GCLC: variants seen among roughly 807,000 people sequenced by gnomAD.
GCLC encodes glutamate--cysteine ligase catalytic subunit.
Under a neutral mutation model 81.5 loss-of-function variants are expected in GCLC, and 30 were observed. The ratio of observed to expected loss-of-function variants is 0.37; its 90% CI spans 0.28 to 0.50. The LOEUF (loss-of-function observed/expected upper bound fraction) is 0.50, where lower values mean the gene tolerates loss of function less well. Among genes scored for constraint, GCLC ranks in the 20% least tolerant of loss-of-function variants. The pLI is 0.96. For missense variants in GCLC, 556 were observed against 777.4 expected, an observed-to-expected ratio of 0.72 and a Z score of 3.39; for synonymous variants, 262 against 273.3, an observed-to-expected ratio of 0.96 and a Z score of 0.41.
At chr6:53,501,580 C>G (rs1764514955) in intron 12 of GCLC, among the ~76,000 whole-genome samples, 1 of 152,206 alleles carries the variant, frequency 6.6e-6, no homozygotes, top group South Asian at 2.1e-4. Flanking sequence ...GAGGGCCAGG[C>G]TGACATGGGA....
intron 1 of GCLC, among the ~76,000 whole-genome samples, chr6:53,525,694 T>C (rs533156987): frequency 1.3e-5 from 2 of 152,282 alleles, no homozygotes; most frequent in Admixed American, 6.5e-5. Context: ...TCCAAAAGCA[T>C]ACATACCCAA....
At chr6:53,540,506 G>A (rs1763334064) in intron 1 of GCLC, among the ~76,000 whole-genome samples, 1 of 152,098 alleles carries the variant, frequency 6.6e-6, no homozygotes, top group African/African-American at 2.4e-5. Flanking sequence ...GGAGCTAGGT[G>A]GAGGGGAAAA....
chr6:53,512,070 T>C (rs1288208036), intron 6 of GCLC, among the ~76,000 whole-genome samples: 1 of 150,596 alleles, frequency 6.6e-6, no homozygotes, highest in Non-Finnish European at 1.5e-5. Context: ...TGCCTCAGAC[T>C]CCTCAGTAGC....
intron 6 of GCLC, among the ~76,000 whole-genome samples, chr6:53,510,689 T>C (rs922068745): frequency 1.3e-5 from 2 of 152,190 alleles, no homozygotes; most frequent in Non-Finnish European, 2.9e-5. Context: ...TAAGTGAATA[T>C]TTTACTGTTA....
chr6:53,544,752 CCGCGGGGG>C lies in GCLC; in HGVS notation c.-115_-108del. ...CGCAGAAGGCGGCTGCCGCTCCACC[CCGCGGGGG>C]CGCTCTCGGGCCGCAGTCGGCGGAG... On this transcript the variant is annotated 5_prime_UTR_variant, in exon 1 of 16. Coordinates refer to ENST00000650454, the MANE Select transcript of GCLC (RefSeq NM_001498.4). The C allele has an allele frequency of 8.8e-7, 1 of 1,130,054 alleles. No individual in the cohort carries two copies. The highest frequency in any genetic ancestry group is 1.2e-6 in the Non-Finnish European group (1 of 827,468). 70.0% of individuals were successfully genotyped at this position (1,130,054 alleles called of 1,614,324 possible).
intron 1 of GCLC, among the ~76,000 whole-genome samples, chr6:53,532,214 G>A (rs77164836): frequency 0.011 from 1,695 of 152,300 alleles, 33 homozygotes; most frequent in African/African-American, 0.039. Flanking sequence ...TTTAACTACA[G>A]CTATAACAGG....
chr6:53,540,405 C>G (rs62398116), intron 1 of GCLC, among the ~76,000 whole-genome samples: 12,498 of 151,120 alleles, frequency 0.083, 668 homozygotes, highest in South Asian at 0.17. Flanking sequence ...TGAAATACAT[C>G]GGTCACAGAA....
chr6:53,525,081 C>A (rs1469931294), intron 1 of GCLC, among the ~76,000 whole-genome samples: 3 of 152,044 alleles, frequency 2.0e-5, no homozygotes, highest in Non-Finnish European at 2.9e-5. Context: ...AGAAAGAAAA[C>A]CAAATTTACT....
chr6:53,531,375 T>G (rs555361378), intron 1 of GCLC, among the ~76,000 whole-genome samples: 4 of 152,136 alleles, frequency 2.6e-5, no homozygotes, highest in African/African-American at 9.7e-5. Context: ...CTTGTTTTAG[T>G]CAAAGGTGAA....
chr6:53,544,404 C>T (rs2127633009), intron 1 of GCLC, 92 bp downstream of exon 1: 1 of 1,393,508 alleles, frequency 7.2e-7, no homozygotes, highest in Non-Finnish European at 9.9e-7. Context: ...AGAACGCGGA[C>T]CGCGATAGGG....
At chr6:53,502,201 G>A (rs1322337708) in intron 12 of GCLC, among the ~76,000 whole-genome samples, 4 of 152,066 alleles carry the variant, frequency 2.6e-5, no homozygotes, top group African/African-American at 7.2e-5. Flanking sequence ...CGTAATATAC[G>A]CATACAACCA....
chr6:53,514,676 A>C, intron 4 of GCLC, 179 bp from the exon 5 acceptor site: 1 of 684,774 alleles, frequency 1.5e-6, no homozygotes, highest in Non-Finnish European at 2.7e-6. Context: ...GTGATTAAAG[A>C]TTTTGCATTA....
chr6:53,502,063 G>C (rs549015248), intron 12 of GCLC, among the ~76,000 whole-genome samples: 1 of 152,272 alleles, frequency 6.6e-6, no homozygotes, highest in South Asian at 2.1e-4. Context: ...AATTTCTCCA[G>C]AGTATCTCTT....
chr6:53,530,174 T>TG (rs1209074058), intron 1 of GCLC, among the ~76,000 whole-genome samples: 13 of 152,218 alleles, frequency 8.5e-5, no homozygotes, highest in African/African-American at 1.4e-4. Flanking sequence ...TAGTGCTCAC[T>TG]GGGGGTCACC....
chr6:53,503,483 G>T (rs1764551611), intron 12 of GCLC, among the ~76,000 whole-genome samples: 1 of 152,162 alleles, frequency 6.6e-6, no homozygotes, highest in Admixed American at 6.5e-5. Flanking sequence ...GAAATTTAAA[G>T]AATAATTTGG....
intron 6 of GCLC, among the ~76,000 whole-genome samples, chr6:53,512,664 G>C (rs1332580478): frequency 6.6e-6 from 1 of 151,892 alleles, no homozygotes; most frequent in Non-Finnish European, 1.5e-5. Context: ...CTGGGAAAAA[G>C]AAAACAATCC....
At chr6:53,529,098 C>T (rs1364435994) in intron 1 of GCLC, among the ~76,000 whole-genome samples, 2 of 152,156 alleles carry the variant, frequency 1.3e-5, no homozygotes, top group Non-Finnish European at 2.9e-5. Context: ...AATCAGTTTC[C>T]TACTCCCTAA....
chr6:53,499,007 G>T (rs753103955), intron 15 of GCLC, 40 bp from the exon 16 acceptor site: 3 of 1,339,060 alleles, frequency 2.2e-6, no homozygotes, highest in African/African-American at 2.9e-5. Context: ...TTAAAACCAC[G>T]TAAGTTTTTT....
chr6:53,500,670 T>C (rs1375668169), intron 12 of GCLC, 157 bp from the exon 13 acceptor site: 2 of 669,668 alleles, frequency 3.0e-6, no homozygotes, highest in Non-Finnish European at 5.4e-6. Context: ...TTTTTATTTA[T>C]GTGAGGACTG....
Sources: allele counts gnomAD v4.1 joint callset (sites outside exome capture counted in the v4.1 genomes callset), GRCh38; gene constraint gnomAD v4.1.1; transcripts MANE v1.5; gene names NCBI Gene and HGNC (gene_info 2026-07-23, HGNC 2026-07-21).